Variants in KLHL29 observed in about 807,000 individuals in gnomAD.
KLHL29 encodes kelch like family member 29.
Under a neutral mutation model 80.4 loss-of-function variants are expected in KLHL29, and 21 were observed. The ratio of observed to expected loss-of-function variants is 0.26; its 90% CI spans 0.19 to 0.38. KLHL29 has a LOEUF of 0.38. Among genes scored for constraint, KLHL29 ranks in the 10% least tolerant of loss-of-function variants. The probability of loss-of-function intolerance (pLI) is 1.00; values close to 1 mark genes in which losing one functional copy is unlikely to be tolerated. For synonymous variants in KLHL29, 511 were observed against 526.8 expected (o/e 0.97, Z 0.41); for missense variants, 867 against 1,223.9 (o/e 0.71, Z 4.35).
chr2:23,621,410 C>A (rs1436145280), intron 3 of KLHL29, among the ~76,000 whole-genome samples: 6 of 152,180 alleles, frequency 3.9e-5, no homozygotes, highest in African/African-American at 9.7e-5. Flanking sequence ...TTGGCAATGG[C>A]CTTGGCAGGG....
At chr2:23,569,378 A>G (rs1347466135) in intron 3 of KLHL29, among the ~76,000 whole-genome samples, 2 of 152,206 alleles carry the variant, frequency 1.3e-5, no homozygotes, top group East Asian at 1.9e-4. Flanking sequence ...CAGTTCCCCA[A>G]AAGCCCTCAG....
intron 3 of KLHL29, among the ~76,000 whole-genome samples, chr2:23,581,826 C>T (rs1233323267): frequency 1.3e-4 from 1 of 7,824 alleles, no homozygotes; most frequent in Non-Finnish European, 2.3e-4. Flanking sequence ...GAAACTCTGC[C>T]TCAAAAAAAA....
At position 23,695,803 on chromosome 2, in the gene KLHL29, C is replaced by T. The variant is rs1671915048; in HGVS notation, c.1723C>T (p.Arg575Trp). ...CCAGGAGATGCAGACGCCCCGAACC[C>T]GGCCGCGCCTCTCTGCAGGTATGAA... is the stretch of plus-strand genomic sequence containing the variant. ...ARQEMQTPRT[R>W]PRLSAGVAEV... The change falls in exon 9 of 14, where the codon CGG becomes TGG. Residue 575 changes from arginine (R) to tryptophan (W), a missense_variant. Arg to Trp is a moderately radical substitution (Grantham distance 101). Transcript: ENST00000486442. This position sits in a 1 kb window ranked among gnomAD's most constrained non-coding sequence, Gnocchi z 7.6. 1.9e-6 allele frequency: 3 copies of T among 1,549,684 alleles called. No individual in the cohort carries two copies. The highest frequency in any genetic ancestry group is 1.7e-6 in the Non-Finnish European group (2 of 1,146,576).
intron 1 of KLHL29, among the ~76,000 whole-genome samples, chr2:23,401,491 C>G (rs1666598022): frequency 6.6e-6 from 1 of 152,216 alleles, no homozygotes; most frequent in South Asian, 2.1e-4. Flanking sequence ...GTTGGCGGCA[C>G]TGCTATGGTG....
chr2:23,630,887 G>A (rs1277868336), intron 3 of KLHL29, among the ~76,000 whole-genome samples: 3 of 152,190 alleles, frequency 2.0e-5, no homozygotes, highest in Non-Finnish European at 1.5e-5. Context: ...AGCGCATGCC[G>A]GCACCTGGAG....
intron 1 of KLHL29, among the ~76,000 whole-genome samples, chr2:23,390,238 G>A (rs1666283763): frequency 6.6e-6 from 1 of 152,182 alleles, no homozygotes; most frequent in Admixed American, 6.5e-5. Context: ...TCCACCTTTA[G>A]GGTAGAAAGG....
chr2:23,460,347 G>C (rs1173831332), intron 1 of KLHL29, among the ~76,000 whole-genome samples: 1 of 151,980 alleles, frequency 6.6e-6, no homozygotes, highest in Admixed American at 6.6e-5. Flanking sequence ...GGATGATTTT[G>C]TTCCTTTCCC....
At chr2:23,482,415 T>C (rs1664820183) in intron 2 of KLHL29, among the ~76,000 whole-genome samples, 1 of 152,240 alleles carries the variant, frequency 6.6e-6, no homozygotes, top group South Asian at 2.1e-4. Flanking sequence ...TGAGGGCACC[T>C]GGCCAAGGAG....
intron 2 of KLHL29, among the ~76,000 whole-genome samples, chr2:23,512,815 C>T (rs1665813401): frequency 6.6e-6 from 1 of 152,244 alleles, no homozygotes; most frequent in Non-Finnish European, 1.5e-5. Context: ...AGGGGGCTGT[C>T]TGTTGGTTAA....
chr2:23,549,673 G>A (rs1055082384), intron 2 of KLHL29, among the ~76,000 whole-genome samples: 5 of 152,186 alleles, frequency 3.3e-5, no homozygotes, highest in Non-Finnish European at 5.9e-5. Context: ...TCTCCCAAGT[G>A]ACCAAAAACG....
intron 3 of KLHL29, among the ~76,000 whole-genome samples, chr2:23,577,009 G>C (rs942168671): frequency 2.0e-5 from 3 of 152,194 alleles, no homozygotes; most frequent in African/African-American, 4.8e-5. Flanking sequence ...CAGTCCTGCT[G>C]TCCTGTCCTG....
rs551348458 is a variant in KLHL29 at position 23,650,625 on chromosome 2, G to A, written c.940+7775G>A. 2.8e-4 allele frequency among the ~76,000 whole-genome samples: 43 copies of A among 152,330 alleles called. 1 individual carries two copies. The highest frequency in any genetic ancestry group is 9.4e-4 in the African/African-American group (39 of 41,572). On this transcript the variant is annotated intron_variant, in intron 5 of 13. Transcript: ENST00000486442. ...GTGAAGACCTCCTTGATTCTCAGGG[G>A]CTTTGACCTGGGTAGAAAACACTGG...
intron 3 of KLHL29, among the ~76,000 whole-genome samples, chr2:23,625,694 G>T (rs1173741505): frequency 6.6e-6 from 1 of 152,214 alleles, no homozygotes; most frequent in Non-Finnish European, 1.5e-5. Flanking sequence ...CTTTGTGCAG[G>T]CTGCGTGGAT....
At chr2:23,517,181 G>A (rs2103466606) in intron 2 of KLHL29, among the ~76,000 whole-genome samples, 1 of 152,328 alleles carries the variant, frequency 6.6e-6, no homozygotes, top group Middle Eastern at 3.4e-3. Flanking sequence ...CAGCCCGGGG[G>A]TCTGCCGTCC....
intron 1 of KLHL29, among the ~76,000 whole-genome samples, chr2:23,414,401 C>A (rs1292001521): frequency 6.6e-6 from 1 of 152,178 alleles, no homozygotes; most frequent in Admixed American, 6.5e-5. Flanking sequence ...GTCTCCATCC[C>A]GTCTCAGAAA....
At chr2:23,512,849 A>T (rs114506437) in intron 2 of KLHL29, among the ~76,000 whole-genome samples, 38 of 152,208 alleles carry the variant, frequency 2.5e-4, no homozygotes, top group African/African-American at 8.0e-4. Flanking sequence ...CAGGCCCTGG[A>T]GATTGCAGGC....
chr2:23,426,919 T>A (rs1663020912), intron 1 of KLHL29, among the ~76,000 whole-genome samples: 1 of 152,164 alleles, frequency 6.6e-6, no homozygotes, highest in African/African-American at 2.4e-5. Context: ...GCCACATGTG[T>A]CATTCAGAAA....
chr2:23,556,073 CT>C (rs892824263), intron 2 of KLHL29, among the ~76,000 whole-genome samples: 2 of 152,232 alleles, frequency 1.3e-5, no homozygotes, highest in Non-Finnish European at 2.9e-5. Context: ...TGTTCCCTCC[CT>C]TGTTCACATT....
intron 3 of KLHL29, 34 bp from the exon 4 acceptor site, chr2:23,639,105 A>G (rs751430345): frequency 1.3e-6 from 2 of 1,492,100 alleles, no homozygotes; most frequent in South Asian, 1.3e-5. Flanking sequence ...GTCTCTGGCC[A>G]GGCTATGCTC....
Sources: gnomAD v4.1 joint callset for allele counts (sites outside exome capture counted in the v4.1 genomes callset) on GRCh38, gnomAD v4.1.1 for gene constraint, Gnocchi (gnomAD v3.1) non-coding constraint, MANE v1.5 for transcripts, NCBI Gene and HGNC (gene_info 2026-07-23, HGNC 2026-07-21) for gene names.